Variants in GPR83 observed in about 807,000 individuals in gnomAD.
GPR83 encodes the protein G protein-coupled receptor 83.
In GPR83, 23 loss-of-function variants were observed where a neutral mutation model predicts 28.0. That is an observed-to-expected ratio of 0.82 (90% CI 0.59 to 1.16). GPR83 has a LOEUF of 1.16. Among genes scored for constraint, GPR83 ranks in the 50% most tolerant of loss-of-function variants. GPR83 has a pLI of 0.00. For synonymous variants in GPR83, 234 were observed against 215.4 expected, an observed-to-expected ratio of 1.09 and a Z score of -0.76; for missense variants, 610 against 536.6, an observed-to-expected ratio of 1.14 and a Z score of -1.35.
rs1944642307 is a variant in GPR83, at chr11:94,378,327, AAACCTTAGTTTCCT to A, written c.*1808_*1821del. The A allele has an allele frequency of 6.6e-6, 1 of 152,224 alleles. No homozygotes were observed. The highest frequency in any genetic ancestry group is 2.4e-5 in the African/African-American group (1 of 41,458). 9.4% of individuals were successfully genotyped at this position (152,224 alleles called of 1,614,324 possible). ...CTAAGTGACAAACTCTTTCTCCCTCAAACCTTAGTTTCCTACTGAGCTCATATCCATGCTTTGAT... is the reference window on the plus strand; with the variant it reads ...CTAAGTGACAAACTCTTTCTCCCTCAACTGAGCTCATATCCATGCTTTGAT... On this transcript the variant is annotated 3_prime_UTR_variant, in exon 4 of 4. Coordinates refer to ENST00000243673, the MANE Select transcript of GPR83 (RefSeq NM_016540.4).
chr11:94,387,764 T>C (rs997644129), intron 3 of GPR83, among the ~76,000 whole-genome samples: 10 of 152,180 alleles, frequency 6.6e-5, no homozygotes, highest in Non-Finnish European at 1.0e-4. Context: ...GAGGAGCTGG[T>C]ACCATTCCTT....
chr11:94,393,766 G>A, intron 2 of GPR83, 148 bp from the exon 3 acceptor site: 1 of 654,786 alleles, frequency 1.5e-6, no homozygotes, highest in Non-Finnish European at 2.7e-6. Flanking sequence ...TTCTAGACCA[G>A]ACTGGGCAAC....
At chr11:94,386,463 G>A (rs371972476) in intron 3 of GPR83, among the ~76,000 whole-genome samples, 52 of 152,250 alleles carry the variant, frequency 3.4e-4, no homozygotes, top group East Asian at 1.9e-3. Context: ...CATCTCATGT[G>A]CAGAGACACA....
intron 2 of GPR83, among the ~76,000 whole-genome samples, chr11:94,395,318 C>A (rs1045564201): frequency 6.6e-6 from 1 of 152,202 alleles, no homozygotes; most frequent in African/African-American, 2.4e-5. Flanking sequence ...ATCTTTGAAG[C>A]CTCCTATCCC....
rs1365454784 is a variant in GPR83 at position 94,377,581 on chromosome 11, T to C, written c.*2568A>G. ...TTCAACTTAGGATTTTTAAAAATTT[T>C]ATGATGATGGGAAAGCAATACACAT... On this transcript the variant is annotated 3_prime_UTR_variant, in exon 4 of 4. Coordinates refer to ENST00000243673, the MANE Select transcript of GPR83 (RefSeq NM_016540.4). 2 of 152,196 alleles carry C rather than the reference T, an allele frequency of 1.3e-5. No individual in the cohort carries two copies. Among genetic ancestry groups the C allele is most frequent in the Non-Finnish European group, 2.9e-5 (2 of 68,034 alleles). 9.4% of individuals were successfully genotyped at this position (152,196 alleles called of 1,614,324 possible). A position where few individuals can be genotyped will look rare whatever the true frequency, so the allele number is the denominator to read the frequency against.
At chr11:94,382,486 T>A (rs1944703047) in intron 3 of GPR83, among the ~76,000 whole-genome samples, 1 of 151,666 alleles carries the variant, frequency 6.6e-6, no homozygotes, top group Admixed American at 6.6e-5. Flanking sequence ...AAGCTAACTA[T>A]CCTAAATATA....
intron 3 of GPR83, among the ~76,000 whole-genome samples, chr11:94,393,125 G>A (rs75582470): frequency 0.068 from 10,386 of 152,290 alleles, 453 homozygotes; most frequent in Admixed American, 0.13. Flanking sequence ...GATTTTGTTT[G>A]TAGATAGTGT....
chr11:94,384,869 A>G (rs1944733165), intron 3 of GPR83, among the ~76,000 whole-genome samples: 1 of 152,200 alleles, frequency 6.6e-6, no homozygotes, highest in Admixed American at 6.5e-5. Flanking sequence ...CCCAGCATGC[A>G]GCTTGAGATC....
At chr11:94,385,073 T>A (rs182422362) in intron 3 of GPR83, among the ~76,000 whole-genome samples, 6 of 152,194 alleles carry the variant, frequency 3.9e-5, no homozygotes, top group Admixed American at 3.9e-4. Flanking sequence ...CTGCTGCTGA[T>A]ACCCAGGCAA....
chr11:94,394,462 G>C (rs539630642), intron 2 of GPR83, among the ~76,000 whole-genome samples: 1 of 152,216 alleles, frequency 6.6e-6, no homozygotes, highest in Non-Finnish European at 1.5e-5. Context: ...TTTAAATAAA[G>C]ACTTAGGGAT....
chr11:94,386,037 C>G (rs1399671031), intron 3 of GPR83, among the ~76,000 whole-genome samples: 1 of 152,110 alleles, frequency 6.6e-6, no homozygotes, highest in Non-Finnish European at 1.5e-5. Context: ...GAGTGGGGGC[C>G]AATATTCAAC....
At chr11:94,386,846 C>T (rs532191054) in intron 3 of GPR83, among the ~76,000 whole-genome samples, 63 of 152,322 alleles carry the variant, frequency 4.1e-4, no homozygotes, top group African/African-American at 1.3e-3. Flanking sequence ...ATCTACAGAA[C>T]TCTCCACCCC....
chr11:94,392,145 A>G (rs946195316), intron 3 of GPR83, among the ~76,000 whole-genome samples: 3 of 152,168 alleles, frequency 2.0e-5, no homozygotes, highest in Non-Finnish European at 2.9e-5. Context: ...ATGCAGCCGT[A>G]AAAAAGGATG....
intron 3 of GPR83, among the ~76,000 whole-genome samples, chr11:94,381,990 G>A (rs549185465): frequency 1.8e-4 from 27 of 152,068 alleles, no homozygotes; most frequent in Non-Finnish European, 3.4e-4. Flanking sequence ...TGGGAGCACT[G>A]CCTCAATTAG....
intron 3 of GPR83, among the ~76,000 whole-genome samples, chr11:94,391,850 T>C (rs1055889264): frequency 8.5e-5 from 13 of 152,148 alleles, no homozygotes; most frequent in African/African-American, 2.4e-4. Context: ...TGTGGAGAAA[T>C]AGGAATGCTT....
At chr11:94,390,086 C>T (rs796924224) in intron 3 of GPR83, among the ~76,000 whole-genome samples, 92 of 151,998 alleles carry the variant, frequency 6.1e-4, no homozygotes, top group African/African-American at 5.3e-4. Flanking sequence ...AACCAAACAC[C>T]GCATGTTCTC....
Position 94,393,471 on chromosome 11 carries a change from C to G in GPR83, c.647+14G>C. ...ACACAAGTCCCCAGGCAGATCCCAA[C>G]GAATTCATCTCACCTGTATTTGAAG... On this transcript the variant is annotated intron_variant, in intron 3 of 3. Transcript: ENST00000243673. 1 of 1,613,408 alleles carries G rather than the reference C, an allele frequency of 6.2e-7. No individual in the cohort carries two copies. Among genetic ancestry groups the G allele is most frequent in the Non-Finnish European group, 8.5e-7 (1 of 1,179,546 alleles).
At position 94,380,488 on chromosome 11, in the gene GPR83, G is replaced by A. The variant is rs377656693; in HGVS notation, c.933C>T (p.Tyr311=). 67 of 1,614,172 alleles carry A rather than the reference G, an allele frequency of 4.2e-5. No individual in the cohort carries two copies. The highest frequency in any genetic ancestry group is 2.4e-4 in the African/African-American group (18 of 75,068). The change falls in exon 4 of 4, where the codon TAC becomes TAT. Residue 311 remains tyrosine (Y), a synonymous_variant. Transcript: ENST00000243673. ...TGACCTTGCTGGACAGGAGGAGGAC[G>A]TAGCAGTTGAGGGGGAACCAGCAGA... ...FALCWFPLNC[Y]VLLLSSKVIR... is the part of the protein sequence containing the mutation.
chr11:94,393,669 C>A, intron 2 of GPR83, 51 bp from the exon 3 acceptor site: 1 of 1,599,176 alleles, frequency 6.3e-7, no homozygotes, highest in South Asian at 1.1e-5. Flanking sequence ...TGGAGCAAAT[C>A]AGAAATCTGG....
Sources: allele counts gnomAD v4.1 joint callset (sites outside exome capture counted in the v4.1 genomes callset), GRCh38; gene constraint gnomAD v4.1.1; transcripts MANE v1.5; gene names NCBI Gene and HGNC (gene_info 2026-07-23, HGNC 2026-07-21).